Variants in SLIT2 observed in about 807,000 individuals in gnomAD.
SLIT2 encodes the protein slit homolog 2 protein.
Under a neutral mutation model 185.7 loss-of-function variants are expected in SLIT2, and 41 were observed. The ratio of observed to expected loss-of-function variants is 0.22; its 90% confidence interval spans 0.17 to 0.29. The LOEUF is 0.29. Ranked by LOEUF, SLIT2 falls within the 10% of genes least tolerant of loss-of-function variation. The pLI, the probability that SLIT2 is intolerant of heterozygous loss-of-function variation, is 1.00. For missense variants in SLIT2, 1,571 were observed against 1,909.0 expected (o/e 0.82, Z 3.30); for synonymous variants, 693 against 680.2 (o/e 1.02, Z -0.29).
At chr4:20,408,522 G>A (rs1007388981) in intron 4 of SLIT2, among the ~76,000 whole-genome samples, 2 of 124,604 alleles carry the variant, frequency 1.6e-5, no homozygotes, top group East Asian at 2.1e-4. Context: ...CCTGCAGGAC[G>A]AAATTTCAGT....
chr4:20,308,693 T>C (rs930844964), intron 4 of SLIT2, among the ~76,000 whole-genome samples: 5 of 152,174 alleles, frequency 3.3e-5, no homozygotes, highest in African/African-American at 1.2e-4. Context: ...CAGAGGCTTA[T>C]ATATACCCTT....
intron 29 of SLIT2, among the ~76,000 whole-genome samples, chr4:20,589,170 C>T (rs896430987): frequency 1.1e-4 from 16 of 152,050 alleles, no homozygotes; most frequent in African/African-American, 3.6e-4. Flanking sequence ...TGATAGTGAT[C>T]CTCTTTGCAG....
At chr4:20,518,057 CT>C (rs1720370472) in intron 11 of SLIT2, among the ~76,000 whole-genome samples, 1 of 147,650 alleles carries the variant, frequency 6.8e-6, no homozygotes, top group Non-Finnish European at 1.5e-5. Flanking sequence ...ATATGTTTCC[CT>C]TTTATTTTGT....
At chr4:20,433,940 T>C (rs1455646877) in intron 4 of SLIT2, among the ~76,000 whole-genome samples, 1 of 152,222 alleles carries the variant, frequency 6.6e-6, no homozygotes, top group African/African-American at 2.4e-5. Context: ...TTAGAAAGAT[T>C]TTTTTAAAGC....
At chr4:20,529,933 C>T (rs1032157211) in intron 16 of SLIT2, among the ~76,000 whole-genome samples, 1 of 152,146 alleles carries the variant, frequency 6.6e-6, no homozygotes, top group African/African-American at 2.4e-5. Context: ...CCATCTTTAA[C>T]TAGATTATAG....
intron 3 of SLIT2, among the ~76,000 whole-genome samples, chr4:20,258,425 T>C (rs1467010975): frequency 6.6e-6 from 1 of 151,822 alleles, no homozygotes; most frequent in Non-Finnish European, 1.5e-5. Flanking sequence ...GTGGTGAACA[T>C]TGTTATTGTT....
chr4:20,264,080 A>G (rs938371794), intron 3 of SLIT2, among the ~76,000 whole-genome samples: 2 of 151,886 alleles, frequency 1.3e-5, no homozygotes, highest in African/African-American at 2.4e-5. Context: ...GGGATAAAAG[A>G]GGGAGCAATA....
intron 4 of SLIT2, among the ~76,000 whole-genome samples, chr4:20,416,468 G>T (rs1182187214): frequency 6.6e-6 from 1 of 151,928 alleles, no homozygotes; most frequent in East Asian, 1.9e-4. Context: ...CTGGAGGTGA[G>T]AACTTCAACA....
intron 4 of SLIT2, among the ~76,000 whole-genome samples, chr4:20,410,117 GC>G (rs1727100767): frequency 6.6e-6 from 1 of 151,790 alleles, no homozygotes; most frequent in Non-Finnish European, 1.5e-5. Flanking sequence ...ATTGCTTTTG[GC>G]ATCTTCGTCA....
chr4:20,594,238 T>TATATAC (rs528415853), intron 30 of SLIT2, among the ~76,000 whole-genome samples: 101 of 149,942 alleles, frequency 6.7e-4, no homozygotes, highest in Middle Eastern at 3.5e-3. Flanking sequence ...TGTACATGTG[T>TATATAC]ATATACATAT....
intron 4 of SLIT2, among the ~76,000 whole-genome samples, chr4:20,313,018 T>C (rs909299646): frequency 2.0e-5 from 3 of 152,164 alleles, no homozygotes; most frequent in Admixed American, 2.0e-4. Context: ...GTTAACTGTT[T>C]CTAGGCTTGA....
chr4:20,505,548 T>G (rs1310095557), intron 9 of SLIT2, among the ~76,000 whole-genome samples: 1 of 152,072 alleles, frequency 6.6e-6, no homozygotes, highest in African/African-American at 2.4e-5. Flanking sequence ...TTTAATATCT[T>G]GTAAATGTCT....
chr4:20,608,191 C>T (rs897454612), intron 33 of SLIT2, among the ~76,000 whole-genome samples: 1 of 151,936 alleles, frequency 6.6e-6, no homozygotes, highest in African/African-American at 2.4e-5. Flanking sequence ...ACATAGTCCT[C>T]AAATTAACCA....
At chr4:20,504,335 A>G (rs911979885) in intron 9 of SLIT2, among the ~76,000 whole-genome samples, 8 of 152,202 alleles carry the variant, frequency 5.3e-5, no homozygotes, top group Admixed American at 2.0e-4. Context: ...TGCTTTTGCC[A>G]TTTACGTTAA....
chr4:20,387,771 C>T (rs1292771211), intron 4 of SLIT2, among the ~76,000 whole-genome samples: 3 of 152,076 alleles, frequency 2.0e-5, no homozygotes, highest in African/African-American at 7.2e-5. Flanking sequence ...CCTAGAACCA[C>T]GTATAACTGA....
chr4:20,561,424 G>A (rs958959595), intron 26 of SLIT2, among the ~76,000 whole-genome samples: 1 of 151,684 alleles, frequency 6.6e-6, no homozygotes, highest in Non-Finnish European at 1.5e-5. Context: ...CATTTTGGAC[G>A]AGTTTTTGAT....
chr4:20,603,962 C>T (rs910978581), intron 33 of SLIT2, among the ~76,000 whole-genome samples: 5 of 152,178 alleles, frequency 3.3e-5, no homozygotes, highest in African/African-American at 2.4e-5. Context: ...TAGCTTATAA[C>T]CTTGGGCAGA....
rs998158846 is a variant in SLIT2 at position 20,620,470 on chromosome 4, A to G, written c.*1461A>G. 8.9e-6 allele frequency: 4 copies of G among 451,800 alleles called. No homozygotes were observed. The highest frequency in any genetic ancestry group is 1.8e-5 in the Non-Finnish European group (4 of 225,760). The allele number at this position is 451,800 out of a possible 1,614,324, so 28.0% of individuals were successfully genotyped here. On this transcript the variant is annotated 3_prime_UTR_variant, in exon 37 of 37. Transcript: ENST00000504154. The stretch of plus-strand genomic sequence containing the variant: ...TTTTTTTACAAAGAAAATTAGATGT[A>G]CATGTATAATTCAGTGTGCTTTGTC...
At chr4:20,542,367 C>T (rs765167331) in intron 20 of SLIT2, 127 bp from the exon 21 acceptor site, 84 of 897,410 alleles carry the variant, frequency 9.4e-5, no homozygotes, top group Non-Finnish European at 1.4e-4. Flanking sequence ...TACTGAATGT[C>T]CCGCAAATAA....
Sources: allele counts gnomAD v4.1 joint callset (sites outside exome capture counted in the v4.1 genomes callset), GRCh38; gene constraint gnomAD v4.1.1; transcripts MANE v1.5; gene names NCBI Gene and HGNC (gene_info 2026-07-23, HGNC 2026-07-21).